The following TPO variants were observed in gnomAD, a reference collection of about 807,000 sequenced individuals.
TPO encodes the protein thyroid microsomal antigen.
TPO carries 78 observed loss-of-function variants against 96.9 expected under a neutral mutation model. The ratio of observed to expected loss-of-function variants is 0.81; its 90% CI spans 0.67 to 0.97. The LOEUF is 0.97. Among genes scored for constraint, TPO ranks in the 50% least tolerant of loss-of-function variants. TPO has a pLI of 0.00. For synonymous variants in TPO, 547 were observed against 538.0 expected, an observed-to-expected ratio of 1.02 and a Z score of -0.23; for missense variants, 1,252 against 1,274.8, an observed-to-expected ratio of 0.98 and a Z score of 0.27.
chr2:1,519,501 AAG>A (rs1319415533), intron 15 of TPO, among the ~76,000 whole-genome samples: 1 of 152,238 alleles, frequency 6.6e-6, no homozygotes, highest in Non-Finnish European at 1.5e-5. Context: ...CTGTTTTGGA[AAG>A]AGAGTACTTT....
At chr2:1,375,076 T>G (rs1041903791) in intron 1 of TPO, among the ~76,000 whole-genome samples, 5 of 151,658 alleles carry the variant, frequency 3.3e-5, no homozygotes, top group African/African-American at 1.2e-4. Flanking sequence ...AAACTGAAAA[T>G]GTTGATTAAA....
chr2:1,475,514 C>G (rs1344763452), intron 7 of TPO, among the ~76,000 whole-genome samples: 1 of 152,110 alleles, frequency 6.6e-6, no homozygotes, highest in Non-Finnish European at 1.5e-5. Flanking sequence ...AGCTCCGCCT[C>G]CCAGGTTCAC....
At chr2:1,488,246 G>A (rs771531642) in intron 10 of TPO, among the ~76,000 whole-genome samples, 17 of 152,126 alleles carry the variant, frequency 1.1e-4, no homozygotes, top group Non-Finnish European at 1.6e-4. Context: ...AGAAACAGCC[G>A]CTTCTAGTAG....
intron 5 of TPO, among the ~76,000 whole-genome samples, chr2:1,443,987 G>T (rs979152973): frequency 5.2e-5 from 7 of 134,878 alleles, no homozygotes; most frequent in South Asian, 2.5e-4. Flanking sequence ...GTTCTTGTTT[G>T]TATGATCCAA....
At chr2:1,529,927 T>A (rs4927595) in intron 15 of TPO, among the ~76,000 whole-genome samples, 3 of 74,798 alleles carry the variant, frequency 4.0e-5, no homozygotes, top group South Asian at 8.3e-4. Context: ...AACCCCCCCC[T>A]TGCAGCCTCC....
At chr2:1,536,111 T>C (rs1367868043) in intron 15 of TPO, among the ~76,000 whole-genome samples, 17 of 10,868 alleles carry the variant, frequency 1.6e-3, no homozygotes, top group African/African-American at 3.7e-3. Flanking sequence ...AATCCCCCCA[T>C]TATGTGCAAC....
chr2:1,442,136 C>T (rs751338249), intron 5 of TPO, among the ~76,000 whole-genome samples: 5 of 152,196 alleles, frequency 3.3e-5, no homozygotes, highest in Admixed American at 6.5e-5. Flanking sequence ...GAGGCCTCCA[C>T]GTGGAATCGT....
chr2:1,487,264 G>A (rs373901299), intron 9 of TPO, among the ~76,000 whole-genome samples: 4 of 152,178 alleles, frequency 2.6e-5, no homozygotes, highest in South Asian at 2.1e-4. Flanking sequence ...TTAAAAACTG[G>A]TGGGCTCCTT....
chr2:1,478,583 G>T (rs867858823), intron 8 of TPO, among the ~76,000 whole-genome samples: 2 of 152,252 alleles, frequency 1.3e-5, no homozygotes, highest in African/African-American at 4.8e-5. Flanking sequence ...GCCTCCATGC[G>T]CTGGGTGTTA....
chr2:1,523,693 C>A (rs1222454763), intron 15 of TPO, among the ~76,000 whole-genome samples: 5 of 139,428 alleles, frequency 3.6e-5, no homozygotes, highest in South Asian at 2.5e-4. Context: ...GTGCAGCCTC[C>A]CCAAATCCCC....
At chr2:1,535,326 C>A (rs1339728053) in intron 15 of TPO, among the ~76,000 whole-genome samples, 3 of 90,494 alleles carry the variant, frequency 3.3e-5, no homozygotes, top group Non-Finnish European at 4.4e-5. Flanking sequence ...CTCCTCAAAT[C>A]CCCCCCACTG....
intron 7 of TPO, among the ~76,000 whole-genome samples, chr2:1,467,409 G>T (rs1669003782): frequency 6.6e-6 from 1 of 152,060 alleles, no homozygotes; most frequent in Admixed American, 6.5e-5. Context: ...TGGCCCCGAA[G>T]AATTTTTTAA....
intron 1 of TPO, among the ~76,000 whole-genome samples, chr2:1,388,231 C>G (rs896737287): frequency 6.6e-6 from 1 of 152,346 alleles, no homozygotes; most frequent in Admixed American, 6.5e-5. Context: ...TTACTCTCTT[C>G]AAACCTGTCA....
At chr2:1,513,772 A>G (rs1674404288) in intron 14 of TPO, among the ~76,000 whole-genome samples, 1 of 152,016 alleles carries the variant, frequency 6.6e-6, no homozygotes, top group Admixed American at 6.6e-5. Context: ...ATATGTAGAC[A>G]TAGATATAGT....
rs751212441 is a variant in TPO, at chr2:1,477,102, G to A, written c.836G>A (p.Arg279Gln). ...CFPIQLPEEARPAAGTACLPF... is the reference protein window; with the variant it reads ...CFPIQLPEEAQPAAGTACLPF... Reference sequence around the variant, plus strand: ...TGCCTGCAGCTCCCGGAGGAGGCCCGGCCGGCCGCGGGCACCGCCTGTCTG... The same window carrying A: ...TGCCTGCAGCTCCCGGAGGAGGCCCAGCCGGCCGCGGGCACCGCCTGTCTG... Residue 279 changes from arginine (R) to glutamine (Q), a missense_variant, in exon 8 of 17, where the codon CGG becomes CAG. Coordinates refer to ENST00000329066, the MANE Select transcript of TPO (RefSeq NM_001206744.2). 1.7e-5 allele frequency: 28 copies of A among 1,605,234 alleles called. No individual in the cohort carries two copies. The highest frequency in any genetic ancestry group is 1.6e-4 in the Middle Eastern group (1 of 6,066).
chr2:1,520,373 G>A (rs1675125360), intron 15 of TPO, among the ~76,000 whole-genome samples: 1 of 152,180 alleles, frequency 6.6e-6, no homozygotes, highest in African/African-American at 2.4e-5. Flanking sequence ...GAACAGAGAG[G>A]GATAGGAAGA....
chr2:1,541,216 AACAGT>A (rs1680728384), intron 16 of TPO: 1 of 1,148,252 alleles, frequency 8.7e-7, no homozygotes, highest in Non-Finnish European at 1.1e-6. Context: ...CAGAGAGCAG[AACAGT>A]GGCCTCCAGA....
In TPO at chr2:1,516,942, G is replaced by A. The variant is rs556552435; in HGVS notation, c.2578G>A (p.Gly860Arg). 2.5e-5 allele frequency: 41 copies of A among 1,613,974 alleles called. No individual in the cohort carries two copies. The highest frequency in any genetic ancestry group is 1.2e-4 in the South Asian group (11 of 91,076). Residue 860 changes from glycine (G) to arginine (R), a missense_variant, in exon 15 of 17, where the codon GGA becomes AGA. Coordinates refer to ENST00000329066, the MANE Select transcript of TPO (RefSeq NM_001206744.2). ...ISMSLAALLI[G>R]GFAGLTSTVI... is the part of the protein sequence containing the mutation. ...CATGTCGCTGGCTGCTCTGCTGATC[G>A]GAGGCTTCGCAGGTCTCACCTCGAC... is the stretch of plus-strand genomic sequence containing the variant.
intron 13 of TPO, among the ~76,000 whole-genome samples, chr2:1,502,503 C>T (rs778917886): frequency 6.6e-6 from 1 of 152,160 alleles, no homozygotes; most frequent in Non-Finnish European, 1.5e-5. Flanking sequence ...GATTCTCCTG[C>T]CTCAGCCTCC....
Sources: gnomAD v4.1 joint callset for allele counts (sites outside exome capture counted in the v4.1 genomes callset) on GRCh38, gnomAD v4.1.1 for gene constraint, MANE v1.5 for transcripts, NCBI Gene and HGNC (gene_info 2026-07-23, HGNC 2026-07-21) for gene names.